Variants in CSMD1 observed in about 807,000 individuals in gnomAD.
CSMD1 encodes the protein CUB and sushi domain-containing protein 1.
CSMD1 carries 213 observed loss-of-function variants against 417.5 expected under a neutral mutation model. That is an observed-to-expected ratio of 0.51 (90% confidence interval 0.46 to 0.57). The LOEUF (loss-of-function observed/expected upper bound fraction) is 0.57, where lower values mean the gene tolerates loss of function less well. CSMD1 is among the 20% of genes least tolerant of loss of function. CSMD1 has a pLI of 0.00. For missense variants in CSMD1, 6,923 were observed against 4,529.7 expected (o/e 1.53, Z -15.17); for synonymous variants, 2,862 against 1,736.8 (o/e 1.65, Z -16.11).
At chr8:3,665,718 C>A (rs1485503979) in intron 7 of CSMD1, among the ~76,000 whole-genome samples, 7 of 151,968 alleles carry the variant, frequency 4.6e-5, no homozygotes, top group South Asian at 2.1e-4. Flanking sequence ...CATATCTTAT[C>A]TCAAATGAAT....
intron 20 of CSMD1, among the ~76,000 whole-genome samples, chr8:3,361,651 C>CAAAAAAAAAAAAAA (rs765648287): frequency 3.8e-5 from 3 of 79,210 alleles, no homozygotes; most frequent in African/African-American, 5.3e-5. Context: ...GATTCCATCT[C>CAAAAAAAAAAAAAA]AAAAAAAAAA....
At chr8:4,091,066 C>G (rs1379999887) in intron 3 of CSMD1, among the ~76,000 whole-genome samples, 3 of 151,812 alleles carry the variant, frequency 2.0e-5, no homozygotes, top group Non-Finnish European at 4.4e-5. Context: ...CTACAGGCAC[C>G]CACCACAATG....
intron 6 of CSMD1, among the ~76,000 whole-genome samples, chr8:3,734,232 T>C (rs1796411865): frequency 6.6e-6 from 1 of 152,234 alleles, no homozygotes; most frequent in Non-Finnish European, 1.5e-5. Flanking sequence ...AATGGGAGCC[T>C]TCGGCTTCCT....
chr8:4,674,969 G>T (rs183881854), intron 1 of CSMD1, among the ~76,000 whole-genome samples: 1 of 152,148 alleles, frequency 6.6e-6, no homozygotes, highest in African/African-American at 2.4e-5. Flanking sequence ...GAGAGGACAC[G>T]GTGAGGAGGC....
intron 2 of CSMD1, among the ~76,000 whole-genome samples, chr8:4,636,844 T>G (rs1355688997): frequency 2.0e-5 from 3 of 152,176 alleles, no homozygotes; most frequent in Non-Finnish European, 4.4e-5. Flanking sequence ...GAGTGGGGAC[T>G]TGGAGAACTT....
chr8:4,610,481 G>C (rs1273174320), intron 2 of CSMD1, among the ~76,000 whole-genome samples: 1 of 152,144 alleles, frequency 6.6e-6, no homozygotes, highest in African/African-American at 2.4e-5. Context: ...CAGAACCCAA[G>C]CTGAGACTCC....
chr8:3,976,444 G>A (rs377514498), intron 5 of CSMD1, among the ~76,000 whole-genome samples: 3 of 152,074 alleles, frequency 2.0e-5, no homozygotes, highest in South Asian at 2.1e-4. Context: ...GTTTCCTTTT[G>A]TTTATTAATT....
At chr8:3,438,492 T>G (rs973360596) in intron 12 of CSMD1, among the ~76,000 whole-genome samples, 1 of 152,212 alleles carries the variant, frequency 6.6e-6, no homozygotes, top group Non-Finnish European at 1.5e-5. Context: ...AAGAATGTTG[T>G]AGAAATGCAT....
chr8:3,377,897 T>A (rs761060076), intron 18 of CSMD1, among the ~76,000 whole-genome samples: 1 of 152,242 alleles, frequency 6.6e-6, no homozygotes, highest in Admixed American at 6.5e-5. Context: ...ACACATGTTA[T>A]ATTATCTCTC....
intron 1 of CSMD1, among the ~76,000 whole-genome samples, chr8:4,751,410 G>A (rs78752693): frequency 0.03 from 4,606 of 152,048 alleles, 141 homozygotes; most frequent in African/African-American, 0.078. Flanking sequence ...GGCGGGGCAG[G>A]AAAAGAGAGC....
intron 6 of CSMD1, among the ~76,000 whole-genome samples, chr8:3,723,383 T>G (rs968043440): frequency 4.6e-5 from 7 of 152,198 alleles, no homozygotes; most frequent in Non-Finnish European, 5.9e-5. Context: ...AATTGAGCCA[T>G]AAGCTAATCA....
At chr8:4,556,865 A>C (rs995388892) in intron 2 of CSMD1, among the ~76,000 whole-genome samples, 30 of 152,352 alleles carry the variant, frequency 2.0e-4, no homozygotes, top group African/African-American at 7.0e-4. Flanking sequence ...AATACGTATA[A>C]TGCAATGATT....
At chr8:4,146,070 G>C (rs1038201227) in intron 3 of CSMD1, among the ~76,000 whole-genome samples, 4 of 150,852 alleles carry the variant, frequency 2.7e-5, no homozygotes, top group African/African-American at 7.5e-5. Flanking sequence ...ACTTGAGGGA[G>C]GCAATTGCAT....
chr8:3,958,556 T>A (rs1312220583), intron 5 of CSMD1, among the ~76,000 whole-genome samples: 1 of 152,206 alleles, frequency 6.6e-6, no homozygotes, highest in African/African-American at 2.4e-5. Flanking sequence ...TACTGAGGTA[T>A]CAATTTACTC....
At chr8:3,359,597 G>A (rs945829196) in intron 20 of CSMD1, among the ~76,000 whole-genome samples, 1 of 151,578 alleles carries the variant, frequency 6.6e-6, no homozygotes, top group Non-Finnish European at 1.5e-5. Flanking sequence ...GGCTGGGAAG[G>A]GGGTGTATGG....
At chr8:2,998,615 C>G (rs1055670656) in intron 53 of CSMD1, among the ~76,000 whole-genome samples, 2 of 152,200 alleles carry the variant, frequency 1.3e-5, no homozygotes, top group African/African-American at 4.8e-5. Flanking sequence ...TTGTCTGATA[C>G]TTTTTAATGT....
chr8:4,691,281 TG>T (rs1353425968), intron 1 of CSMD1, among the ~76,000 whole-genome samples: 1 of 152,156 alleles, frequency 6.6e-6, no homozygotes, highest in African/African-American at 2.4e-5. Flanking sequence ...GTGGAGAGTG[TG>T]AATTTCAGCT....
At chr8:4,872,607 C>T (rs1265271729) in intron 1 of CSMD1, among the ~76,000 whole-genome samples, 1 of 152,096 alleles carries the variant, frequency 6.6e-6, no homozygotes, top group African/African-American at 2.4e-5. Flanking sequence ...ATTACCCAGT[C>T]TCAGGCAGTT....
chr8:3,874,698 T>A (rs534391460), intron 5 of CSMD1, among the ~76,000 whole-genome samples: 26 of 152,156 alleles, frequency 1.7e-4, no homozygotes, highest in African/African-American at 5.3e-4. Flanking sequence ...AAGTCCCTCC[T>A]ACAACAAATG....
Sources: gnomAD v4.1 joint callset for allele counts (sites outside exome capture counted in the v4.1 genomes callset) on GRCh38, gnomAD v4.1.1 for gene constraint, MANE v1.5 for transcripts, NCBI Gene and HGNC (gene_info 2026-07-23, HGNC 2026-07-21) for gene names.